The following POFUT3 variants were observed in gnomAD, a reference collection of about 807,000 sequenced individuals.
The protein encoded by POFUT3 is GDP-fucose protein O-fucosyltransferase 3.
At chr8:33,386,082 G>A in the POFUT3 span, among the ~76,000 whole-genome samples, 10 of 150,840 alleles carry the variant, frequency 6.6e-5, 1 homozygote, top group African/African-American at 1.5e-4. Context: ...CCAGCTGCTC[G>A]GGAGGCTGAG....
At chr8:33,406,766 T>A in the POFUT3 span, among the ~76,000 whole-genome samples, 1 of 152,150 alleles carries the variant, frequency 6.6e-6, no homozygotes, top group African/African-American at 2.4e-5. Flanking sequence ...GGTCTTGCCA[T>A]GTTACCCAGG....
the POFUT3 span, among the ~76,000 whole-genome samples, chr8:33,319,673 T>A: frequency 1.2e-5 from 1 of 82,546 alleles, no homozygotes; most frequent in Non-Finnish European, 2.1e-5. Flanking sequence ...ATTTTATATA[T>A]ATTTATATAT....
the POFUT3 span, among the ~76,000 whole-genome samples, chr8:33,409,653 C>T: frequency 1.3e-5 from 2 of 152,138 alleles, no homozygotes; most frequent in African/African-American, 2.4e-5. Flanking sequence ...CGCCTATAAT[C>T]CCAGCACTTT....
At chr8:33,317,318 C>A in the POFUT3 span, among the ~76,000 whole-genome samples, 12 of 152,114 alleles carry the variant, frequency 7.9e-5, no homozygotes, top group Admixed American at 6.6e-4. Flanking sequence ...GAGGACTGAA[C>A]TCTGACAGTT....
chr8:33,356,165 A>G, the POFUT3 span, among the ~76,000 whole-genome samples: 2 of 152,314 alleles, frequency 1.3e-5, no homozygotes, highest in East Asian at 3.9e-4. Context: ...AGCATGATCT[A>G]TAGTCATTTG....
the POFUT3 span, among the ~76,000 whole-genome samples, chr8:33,308,119 G>A: frequency 9.1e-4 from 139 of 152,192 alleles, 2 homozygotes; most frequent in South Asian, 0.021. Context: ...ATAACAACAT[G>A]AAAGCTGGAA....
the POFUT3 span, among the ~76,000 whole-genome samples, chr8:33,387,141 C>T: frequency 1.3e-5 from 2 of 151,796 alleles, no homozygotes; most frequent in African/African-American, 2.4e-5. Flanking sequence ...TTGCTTATGG[C>T]CCTATAAATT....
At chr8:33,315,388 T>C in the POFUT3 span, among the ~76,000 whole-genome samples, 4 of 152,168 alleles carry the variant, frequency 2.6e-5, no homozygotes, top group Admixed American at 2.6e-4. Flanking sequence ...CTTAGACAAA[T>C]GATTTCTATG....
chr8:33,329,529 C>G, the POFUT3 span, among the ~76,000 whole-genome samples: 1 of 152,296 alleles, frequency 6.6e-6, no homozygotes, highest in East Asian at 1.9e-4. Context: ...ACTATTACCT[C>G]TATGACACAA....
chr8:33,464,364 C>T, the POFUT3 span, among the ~76,000 whole-genome samples: 1 of 152,226 alleles, frequency 6.6e-6, no homozygotes, highest in East Asian at 1.9e-4. Flanking sequence ...CAGGCAGGCG[C>T]TCATTCAATC....
chr8:33,465,085 T>C, the POFUT3 span, among the ~76,000 whole-genome samples: 2 of 152,154 alleles, frequency 1.3e-5, no homozygotes, highest in African/African-American at 2.4e-5. Context: ...AGCTTCTTCA[T>C]AGTAAATAAT....
the POFUT3 span, among the ~76,000 whole-genome samples, chr8:33,327,685 G>A: frequency 6.6e-6 from 1 of 152,212 alleles, no homozygotes. Flanking sequence ...CATATTTGAT[G>A]ACTGGCCTTT....
At chr8:33,406,439 T>C in the POFUT3 span, among the ~76,000 whole-genome samples, 2 of 152,024 alleles carry the variant, frequency 1.3e-5, no homozygotes, top group South Asian at 4.1e-4. Flanking sequence ...TTTACTAGTA[T>C]ACTTCTTTTT....
At chr8:33,330,578 T>A in the POFUT3 span, among the ~76,000 whole-genome samples, 1 of 152,360 alleles carries the variant, frequency 6.6e-6, no homozygotes, top group East Asian at 1.9e-4. Flanking sequence ...GTTGGCCTGA[T>A]AATTTACCTA....
the POFUT3 span, among the ~76,000 whole-genome samples, chr8:33,430,877 C>T: frequency 2.0e-5 from 3 of 151,994 alleles, no homozygotes; most frequent in East Asian, 1.9e-4. Context: ...CAAAGTGCTG[C>T]GATTACAGGC....
At chr8:33,436,384 C>T in the POFUT3 span, 280 of 1,401,730 alleles carry the variant, frequency 2.0e-4, 1 homozygote, top group South Asian at 2.9e-3. Context: ...TCACATTCAA[C>T]GACCGTCTGG....
the POFUT3 span, among the ~76,000 whole-genome samples, chr8:33,357,514 ATGTG>A: frequency 1.3e-3 from 194 of 149,068 alleles, no homozygotes; most frequent in Middle Eastern, 7.1e-3. Context: ...ATATATATGT[ATGTG>A]TGTGTGTGTA....
the POFUT3 span, among the ~76,000 whole-genome samples, chr8:33,402,739 A>G: frequency 6.6e-6 from 1 of 152,244 alleles, no homozygotes; most frequent in Non-Finnish European, 1.5e-5. Flanking sequence ...CAAAGGACAT[A>G]AATATTTTCC....
the POFUT3 span, among the ~76,000 whole-genome samples, chr8:33,337,129 G>A: frequency 6.6e-6 from 1 of 152,156 alleles, no homozygotes; most frequent in South Asian, 2.1e-4. Context: ...TTGGTTTGAT[G>A]TGAGTGCTGA....
Sources: gnomAD v4.1 joint callset for allele counts (sites outside exome capture counted in the v4.1 genomes callset) on GRCh38, gnomAD v4.1.1 for gene constraint, MANE v1.5 for transcripts, NCBI Gene and HGNC (gene_info 2026-07-23, HGNC 2026-07-21) for gene names.